Variants in MYO1D observed in about 807,000 individuals in gnomAD.
MYO1D encodes myosin ID.
In MYO1D, 83 loss-of-function variants were observed where a neutral mutation model predicts 122.0. The observed-to-expected ratio is 0.68, with a 90% CI of 0.57 to 0.82. The LOEUF is 0.82. Ranked by LOEUF, MYO1D falls within the 40% of genes least tolerant of loss-of-function variation. The pLI, the probability that MYO1D is intolerant of heterozygous loss-of-function variation, is 0.00. For synonymous variants in MYO1D, 464 were observed against 446.9 expected, an observed-to-expected ratio of 1.04 and a Z score of -0.48; for missense variants, 1,157 against 1,269.5, an observed-to-expected ratio of 0.91 and a Z score of 1.35.
chr17:32,636,350 T>G (rs1304203689), intron 20 of MYO1D, among the ~76,000 whole-genome samples: 2 of 152,236 alleles, frequency 1.3e-5, no homozygotes, highest in Non-Finnish European at 2.9e-5. Context: ...AAAGGTTCTT[T>G]ATCTTAAACT....
intron 13 of MYO1D, among the ~76,000 whole-genome samples, chr17:32,742,163 G>T (rs1292034423): frequency 6.6e-6 from 1 of 151,982 alleles, no homozygotes; most frequent in East Asian, 1.9e-4. Context: ...ATTAGGTTTT[G>T]TAAGTAATCT....
In MYO1D at chr17:32,493,116, C is replaced by G. The variant is rs1441498618; in HGVS notation, c.*1643G>C. On this transcript the variant is annotated 3_prime_UTR_variant, in exon 22 of 22. Transcript: ENST00000318217. ...AGGAAGTTCCAGTTAGATGGTTCCA[C>G]TAGTGTCTACTGGTAATTGGCAAAA... is the stretch of plus-strand genomic sequence containing the variant. 1 of 152,532 alleles carries G rather than the reference C, an allele frequency of 6.6e-6. No homozygotes were observed. The highest frequency in any genetic ancestry group is 2.4e-5 in the African/African-American group (1 of 41,472). 9.4% of individuals were successfully genotyped at this position (152,532 alleles called of 1,614,324 possible).
intron 2 of MYO1D, among the ~76,000 whole-genome samples, chr17:32,779,079 T>C (rs976302344): frequency 8.5e-5 from 13 of 152,098 alleles, no homozygotes; most frequent in Admixed American, 7.9e-4. Flanking sequence ...CAAGGTATCA[T>C]AGAAAAAGCA....
chr17:32,808,380 A>G (rs1002454077), intron 1 of MYO1D, among the ~76,000 whole-genome samples: 1 of 152,010 alleles, frequency 6.6e-6, no homozygotes, highest in Non-Finnish European at 1.5e-5. Context: ...AAAAAAAAAA[A>G]AAAAAGTAAA....
At chr17:32,677,990 T>C (rs1422423016) in intron 16 of MYO1D, among the ~76,000 whole-genome samples, 1 of 152,154 alleles carries the variant, frequency 6.6e-6, no homozygotes. Flanking sequence ...AGCATAGACA[T>C]AAACCCTGCT....
At chr17:32,645,542 A>T (rs534071537) in intron 19 of MYO1D, among the ~76,000 whole-genome samples, 1 of 152,140 alleles carries the variant, frequency 6.6e-6, no homozygotes, top group Non-Finnish European at 1.5e-5. Context: ...AGGTGCACCA[A>T]TCAGACGGAG....
At position 32,547,051 on chromosome 17, in the gene MYO1D, A is replaced by G. The variant is rs1324953755; in HGVS notation, c.2865-52136T>C. Among the ~76,000 whole-genome samples, 8 of 150,270 alleles carry G rather than the reference A, an allele frequency of 5.3e-5. No homozygotes were observed. The East Asian group carries it at 1.4e-3, about 26-fold the overall frequency. ...CAGCCTTCTGAGTAGCTGGAACTAC[A>G]TCACCGTGCCCAGCTAATTAAACAT... On this transcript the variant is annotated intron_variant, in intron 21 of 21. Transcript: ENST00000318217.
chr17:32,840,294 G>C (rs1025333059), intron 1 of MYO1D, among the ~76,000 whole-genome samples: 1 of 152,204 alleles, frequency 6.6e-6, no homozygotes, highest in Non-Finnish European at 1.5e-5. Context: ...TATCTCATAC[G>C]ACCCAAGGGT....
At chr17:32,717,110 A>G (rs1344641663) in intron 15 of MYO1D, among the ~76,000 whole-genome samples, 3 of 152,382 alleles carry the variant, frequency 2.0e-5, no homozygotes, top group Non-Finnish European at 2.9e-5. Flanking sequence ...GATGAGCCAC[A>G]TAAAAGGGGA....
chr17:32,764,188 G>A (rs1192532835), intron 8 of MYO1D, among the ~76,000 whole-genome samples: 2 of 152,174 alleles, frequency 1.3e-5, no homozygotes, highest in African/African-American at 4.8e-5. Flanking sequence ...CAAATATTGT[G>A]TGATCTCACC....
chr17:32,698,651 C>A (rs2089206023), intron 16 of MYO1D, among the ~76,000 whole-genome samples: 1 of 151,982 alleles, frequency 6.6e-6, no homozygotes, highest in Non-Finnish European at 1.5e-5. Context: ...GGCTGGTTTA[C>A]AAAATTATCG....
chr17:32,870,962 T>C (rs2091173817), intron 1 of MYO1D, among the ~76,000 whole-genome samples: 2 of 152,232 alleles, frequency 1.3e-5, no homozygotes, highest in Admixed American at 1.3e-4. Flanking sequence ...ATATGATAAA[T>C]TCTCTGTTAT....
At chr17:32,524,444 G>C (rs1158865868) in intron 21 of MYO1D, among the ~76,000 whole-genome samples, 1 of 152,108 alleles carries the variant, frequency 6.6e-6, no homozygotes, top group African/African-American at 2.4e-5. Context: ...CCAGGCTGGA[G>C]TGCGGTGGCA....
Position 32,580,412 on chromosome 17 carries a change from T to C in MYO1D, c.2864+24675A>G, listed in dbSNP as rs77433249. Among the ~76,000 whole-genome samples the C allele has an allele frequency of 2.6e-3, 265 of 101,326 alleles. 1 individual carries two copies. Among genetic ancestry groups the C allele is most frequent in the African/African-American group, 6.6e-3 (115 of 17,488 alleles). 66.5% of individuals were successfully genotyped at this position (101,326 alleles called of 152,430 possible). A position where few individuals can be genotyped will look rare whatever the true frequency, so the allele number is the denominator to read the frequency against. ...TTCAGTTTGTTTATCTGGTGAATTT[T>C]TTTTTTTTTTTTTTTGAGTCAGAGT... On this transcript the variant is annotated intron_variant, in intron 21 of 21. Coordinates refer to ENST00000318217, the MANE Select transcript of MYO1D (RefSeq NM_015194.3).
chr17:32,562,763 C>T (rs957505849), intron 21 of MYO1D, among the ~76,000 whole-genome samples: 4 of 152,236 alleles, frequency 2.6e-5, no homozygotes, highest in Admixed American at 6.5e-5. Context: ...CCACCATGCC[C>T]GGACAGGATA....
rs547935081 is a variant in MYO1D at position 32,635,680 on chromosome 17, A to G, written c.2709+3042T>C. Among the ~76,000 whole-genome samples, 55 of 152,128 alleles carry G rather than the reference A, an allele frequency of 3.6e-4. 1 individual carries two copies. The highest frequency in any genetic ancestry group is 1.1e-3 in the African/African-American group (46 of 41,512). On this transcript the variant is annotated intron_variant, in intron 20 of 21. Coordinates refer to ENST00000318217, the MANE Select transcript of MYO1D (RefSeq NM_015194.3). ...TGCACTCCAGTCTGGGTGACAGAGC[A>G]AGACTCCGTCTCGGGTGGCGGGGGG...
chr17:32,749,285 G>A (rs1463146514), intron 11 of MYO1D, among the ~76,000 whole-genome samples: 1 of 152,144 alleles, frequency 6.6e-6, no homozygotes, highest in Admixed American at 6.5e-5. Context: ...GGCCCAAACT[G>A]GTGAAAAGTG....
chr17:32,781,364 A>G (rs1166354226), intron 1 of MYO1D, among the ~76,000 whole-genome samples: 2 of 152,278 alleles, frequency 1.3e-5, no homozygotes, highest in East Asian at 3.9e-4. Context: ...ATATTCAACG[A>G]TTCCTGTTCC....
chr17:32,618,433 T>A (rs2087806219), intron 20 of MYO1D, among the ~76,000 whole-genome samples: 1 of 152,000 alleles, frequency 6.6e-6, no homozygotes, highest in African/African-American at 2.4e-5. Context: ...AAATAAAACA[T>A]CTCCATATCA....
Sources: gnomAD v4.1 joint callset for allele counts (sites outside exome capture counted in the v4.1 genomes callset) on GRCh38, gnomAD v4.1.1 for gene constraint, MANE v1.5 for transcripts, NCBI Gene and HGNC (gene_info 2026-07-23, HGNC 2026-07-21) for gene names.